The following PRDM5 variants were observed in gnomAD, a reference collection of about 807,000 sequenced individuals.
PRDM5 encodes the protein PR/SET domain 5.
A neutral mutation model predicts 81.2 loss-of-function variants in PRDM5; 56 were observed. The observed-to-expected ratio is 0.69, with a 90% CI of 0.56 to 0.86. The LOEUF (loss-of-function observed/expected upper bound fraction) is 0.86, where lower values mean the gene tolerates loss of function less well. Among genes scored for constraint, PRDM5 ranks in the 40% least tolerant of loss-of-function variants. The probability of loss-of-function intolerance (pLI) is 0.00; values close to 1 mark genes in which losing one functional copy is unlikely to be tolerated. For missense variants in PRDM5, 697 were observed against 770.1 expected (o/e 0.91, Z 1.12); for synonymous variants, 267 against 256.4 (o/e 1.04, Z -0.39).
At chr4:120,763,366 C>T (rs1276448105) in intron 13 of PRDM5, among the ~76,000 whole-genome samples, 1 of 152,136 alleles carries the variant, frequency 6.6e-6, no homozygotes, top group Admixed American at 6.5e-5. Flanking sequence ...ATTCCCTACT[C>T]AGGATGCTCT....
intron 8 of PRDM5, among the ~76,000 whole-genome samples, chr4:120,809,469 TATTTA>T (rs1753528690): frequency 6.6e-6 from 1 of 152,188 alleles, no homozygotes. Flanking sequence ...CAAGTAATAC[TATTTA>T]ATTATGCCAA....
intron 14 of PRDM5, among the ~76,000 whole-genome samples, chr4:120,711,238 G>T (rs986275967): frequency 4.6e-5 from 7 of 152,092 alleles, no homozygotes; most frequent in Admixed American, 4.6e-4. Flanking sequence ...AAAAACTTTA[G>T]AACTAAATTT....
intron 14 of PRDM5, among the ~76,000 whole-genome samples, chr4:120,737,015 G>C (rs1166585792): frequency 6.6e-6 from 1 of 152,164 alleles, no homozygotes; most frequent in Non-Finnish European, 1.5e-5. Flanking sequence ...CAATAAGTAG[G>C]AGAGTTAAGG....
intron 14 of PRDM5, among the ~76,000 whole-genome samples, chr4:120,751,090 C>T (rs1434602001): frequency 1.3e-5 from 2 of 152,122 alleles, no homozygotes; most frequent in African/African-American, 4.8e-5. Flanking sequence ...GTCATTTAGG[C>T]TGAAGTGCAG....
downstream of PRDM5, among the ~76,000 whole-genome samples, chr4:120,687,003 TGAA>T (rs1200548430): frequency 2.6e-5 from 4 of 152,074 alleles, no homozygotes; most frequent in Non-Finnish European, 5.9e-5. Flanking sequence ...ACTCAGGAGA[TGAA>T]GGTTAAATCT....
rs376064371 is a variant in PRDM5, at chr4:120,811,335, G to C, written c.945+35C>G. The C allele has an allele frequency of 1.2e-5, 15 of 1,299,746 alleles. No individual in the cohort carries two copies. The African/African-American group carries it at 2.2e-4, about 19-fold the overall frequency. 80.5% of individuals were successfully genotyped at this position (1,299,746 alleles called of 1,614,324 possible). On this transcript the variant is annotated intron_variant, in intron 8 of 15. Transcript: ENST00000264808. ...AAACATATTAAAATTATTAAAGATA[G>C]ATATTAAACTGTGATGAATTTTTAT...
At chr4:120,797,747 T>C (rs1207113668) in intron 10 of PRDM5, among the ~76,000 whole-genome samples, 15 of 152,094 alleles carry the variant, frequency 9.9e-5, no homozygotes, top group Non-Finnish European at 1.9e-4. Flanking sequence ...AATAAATCAT[T>C]TGGAATTCAT....
At chr4:120,827,916 TA>T (rs1756214923) in intron 3 of PRDM5, among the ~76,000 whole-genome samples, 1 of 152,136 alleles carries the variant, frequency 6.6e-6, no homozygotes, top group Non-Finnish European at 1.5e-5. Flanking sequence ...CTAGACTTAT[TA>T]ATGCTTTGGA....
chr4:120,795,541 A>T (rs1751220187), intron 10 of PRDM5, among the ~76,000 whole-genome samples: 1 of 151,138 alleles, frequency 6.6e-6, no homozygotes, highest in Admixed American at 6.6e-5. Flanking sequence ...AACCTATTGA[A>T]CCCATATAAC....
chr4:120,819,943 T>G (rs532615182), intron 4 of PRDM5, among the ~76,000 whole-genome samples: 41 of 152,168 alleles, frequency 2.7e-4, no homozygotes, highest in Non-Finnish European at 5.3e-4. Flanking sequence ...GCCAATAACA[T>G]GCAGTTAGAA....
Position 120,853,328 on chromosome 4 carries a change from G to A in PRDM5, c.300+90C>T, listed in dbSNP as rs1759501052. On this transcript the variant is annotated intron_variant, in intron 3 of 15. Coordinates refer to ENST00000264808, the MANE Select transcript of PRDM5 (RefSeq NM_018699.4). ...TTACTGTTATTTGAAGGAGGTCATT[G>A]GGAAACAAATTTAAAACAGGGAGTA... is the stretch of plus-strand genomic sequence containing the variant. 4 of 1,581,448 alleles carry A rather than the reference G, an allele frequency of 2.5e-6. No homozygotes were observed. In the Admixed American group the frequency reaches 5.0e-5, roughly 20 times the overall value.
intron 14 of PRDM5, among the ~76,000 whole-genome samples, chr4:120,725,182 T>A (rs2149069241): frequency 6.6e-6 from 1 of 152,086 alleles, no homozygotes; most frequent in African/African-American, 2.4e-5. Context: ...CCATTAACAT[T>A]TTAAAATTCC....
At chr4:120,708,545 T>C (rs1736514006) in intron 15 of PRDM5, among the ~76,000 whole-genome samples, 1 of 152,056 alleles carries the variant, frequency 6.6e-6, no homozygotes, top group African/African-American at 2.4e-5. Context: ...TGAAAATATT[T>C]TGGAGTTAGA....
intron 14 of PRDM5, among the ~76,000 whole-genome samples, chr4:120,750,324 G>T (rs895294936): frequency 9.9e-5 from 15 of 152,204 alleles, no homozygotes; most frequent in African/African-American, 3.1e-4. Flanking sequence ...AAGCCCTCTG[G>T]CCTACTTAAG....
At chr4:120,752,169 G>T (rs1744097768) in intron 14 of PRDM5, among the ~76,000 whole-genome samples, 1 of 152,100 alleles carries the variant, frequency 6.6e-6, no homozygotes, top group African/African-American at 2.4e-5. Flanking sequence ...ATAATAGTTT[G>T]ATTGTACTAG....
In PRDM5 at chr4:120,694,829, G is replaced by A; in HGVS notation, c.*282C>T. 1 of 406,934 alleles carries A rather than the reference G, an allele frequency of 2.5e-6. No homozygotes were observed. The highest frequency in any genetic ancestry group is 2.5e-5 in the South Asian group (1 of 40,766). The allele number at this position is 406,934 out of a possible 1,614,324, so 25.2% of individuals were successfully genotyped here. ...AACTTCATTACAGAGGGATGGCCAA[G>A]AAAGAGAGCCATGACTCCTTTCTCC... On this transcript the variant is annotated 3_prime_UTR_variant, in exon 16 of 16. Transcript: ENST00000264808.
At chr4:120,848,324 AG>A (rs1238059005) in intron 3 of PRDM5, among the ~76,000 whole-genome samples, 1 of 152,188 alleles carries the variant, frequency 6.6e-6, no homozygotes, top group East Asian at 1.9e-4. Flanking sequence ...AAGATTTTTA[AG>A]ATCTGAATTT....
intron 2 of PRDM5, among the ~76,000 whole-genome samples, chr4:120,871,626 T>C (rs1011474586): frequency 1.9e-4 from 29 of 152,218 alleles, no homozygotes; most frequent in Non-Finnish European, 4.3e-4. Context: ...TCTAGTATCC[T>C]CCATCGTAAA....
chr4:120,821,484 C>T, intron 3 of PRDM5, 139 bp from the exon 4 acceptor site: 1 of 784,402 alleles, frequency 1.3e-6, no homozygotes, highest in Non-Finnish European at 2.0e-6. Flanking sequence ...GATCTGGGTG[C>T]TGAAAAAGGC....
Sources: gnomAD v4.1 joint callset for allele counts (sites outside exome capture counted in the v4.1 genomes callset) on GRCh38, gnomAD v4.1.1 for gene constraint, MANE v1.5 for transcripts, NCBI Gene and HGNC (gene_info 2026-07-23, HGNC 2026-07-21) for gene names.